Variants in ATP5F1A observed in about 807,000 individuals in gnomAD.
The protein encoded by ATP5F1A is ATP synthase F(1) complex subunit alpha, mitochondrial.
A neutral mutation model predicts 57.4 loss-of-function variants in ATP5F1A; 24 were observed. The observed-to-expected ratio is 0.42, with a 90% CI of 0.30 to 0.59. The LOEUF (loss-of-function observed/expected upper bound fraction) is 0.59. ATP5F1A is among the 20% of genes least tolerant of loss of function. ATP5F1A has a pLI of 0.19. For synonymous variants in ATP5F1A, 251 were observed against 255.5 expected, an observed-to-expected ratio of 0.98 and a Z score of 0.17; for missense variants, 494 against 707.9, an observed-to-expected ratio of 0.70 and a Z score of 3.43.
rs759211478 is a variant in ATP5F1A at position 46,083,100 on chromosome 18, A to C, written c.*1182T>G. 6 of 152,194 alleles carry C rather than the reference A, an allele frequency of 3.9e-5. No individual in the cohort carries two copies. Among genetic ancestry groups the C allele is most frequent in the Non-Finnish European group, 7.3e-5 (5 of 68,056 alleles). The allele number at this position is 152,194 out of a possible 1,614,324, so 9.4% of individuals were successfully genotyped here. On this transcript the variant is annotated 3_prime_UTR_variant, in exon 12 of 12. Transcript: ENST00000398752. The stretch of plus-strand genomic sequence containing the variant: ...AAATTTAATGCAGTAAGAATGAGCA[A>C]AGGCTATGAAAAGCTAGTAACAGAG...
chr18:46,091,864 A>C lies in ATP5F1A; in HGVS notation c.140-13T>G. 1 of 1,600,568 alleles carries C rather than the reference A, an allele frequency of 6.2e-7. No homozygotes were observed. The highest frequency in any genetic ancestry group is 1.1e-5 in the South Asian group (1 of 89,112). Reference sequence around the variant, plus strand: ...ATCTCAGCAGTCCCTATGGAAGACAATTCAATTCAATTAAAAAAATAATCT... The same window carrying C: ...ATCTCAGCAGTCCCTATGGAAGACACTTCAATTCAATTAAAAAAATAATCT... On this transcript the variant is annotated splice_polypyrimidine_tract_variant and intron_variant, in intron 2 of 11. Transcript: ENST00000398752.
intron 11 of ATP5F1A, 69 bp downstream of exon 11, chr18:46,084,435 T>A: frequency 6.3e-7 from 1 of 1,575,992 alleles, no homozygotes; most frequent in Non-Finnish European, 8.6e-7. Flanking sequence ...AACTACAGAT[T>A]TGAAAATAAT....
rs1909756046 is a variant in ATP5F1A, at chr18:46,081,683, A to AAAAAAAAAAAAAAAAAAC, written c.*2598_*2599insGTTTTTTTTTTTTTTTTT. ...CTCAAAAAAAAAAAACAAAAAAAAA[A>AAAAAAAAAAAAAAAAAAC]AAAAAAAAAAAAAACGAAATGTGCA... On this transcript the variant is annotated 3_prime_UTR_variant, in exon 12 of 12. Coordinates refer to ENST00000398752, the MANE Select transcript of ATP5F1A (RefSeq NM_004046.6). The AAAAAAAAAAAAAAAAAAC allele has an allele frequency of 1.5e-5, 1 of 66,960 alleles. No homozygotes were observed. The highest frequency in any genetic ancestry group is 5.0e-5 in the African/African-American group (1 of 20,180). 4.1% of individuals were successfully genotyped at this position (66,960 alleles called of 1,614,324 possible).
intron 10 of ATP5F1A, chr18:46,085,880 C>A: frequency 2.0e-6 from 1 of 491,954 alleles, no homozygotes; most frequent in South Asian, 2.9e-5. Flanking sequence ...TTGCAATGAG[C>A]CAAGGTTGCG....
Position 46,083,571 on chromosome 18 carries a change from C to G in ATP5F1A, c.*711G>C, listed in dbSNP as rs537121270. 13 of 152,316 alleles carry G rather than the reference C, an allele frequency of 8.5e-5. No individual in the cohort carries two copies. Among genetic ancestry groups the G allele is most frequent in the African/African-American group, 3.1e-4 (13 of 41,560 alleles). The allele number at this position is 152,316 out of a possible 1,614,324, so 9.4% of individuals were successfully genotyped here. On this transcript the variant is annotated 3_prime_UTR_variant, in exon 12 of 12. Transcript: ENST00000398752. ...CCTATTATTTTCCTGCCTACAGTAC[C>G]TCTTTATGCAGGTACATCCTCTGGG...
chr18:46,094,892 T>A (rs1039252776), intron 2 of ATP5F1A, 161 bp downstream of exon 2: 10 of 1,132,668 alleles, frequency 8.8e-6, no homozygotes, highest in Non-Finnish European at 1.0e-5. Flanking sequence ...AAGAGAACCA[T>A]GACAGGGCTA....
At chr18:46,092,391 T>C (rs1164413782) in intron 2 of ATP5F1A, among the ~76,000 whole-genome samples, 3 of 150,482 alleles carry the variant, frequency 2.0e-5, no homozygotes, top group Non-Finnish European at 4.4e-5. Flanking sequence ...GGCAGATCAC[T>C]TGAGGTAAGG....
chr18:46,098,302 G>A (rs1377249921), upstream of ATP5F1A: 8 of 1,527,260 alleles, frequency 5.2e-6, no homozygotes, highest in Non-Finnish European at 7.1e-6. Context: ...AAATGGCCGA[G>A]CCGCAAAGAA....
intron 1 of ATP5F1A, 157 bp downstream of exon 1, chr18:46,098,015 C>G (rs1442607987): frequency 1.4e-6 from 2 of 1,416,990 alleles, no homozygotes; most frequent in Non-Finnish European, 1.8e-6. Context: ...AAAAGGGCAC[C>G]TGTGTCGCCT....
chr18:46,084,395 T>C, intron 11 of ATP5F1A, 32 bp from the exon 12 acceptor site: 1 of 1,600,180 alleles, frequency 6.2e-7, no homozygotes, highest in Non-Finnish European at 8.5e-7. Context: ...TCGTAAGTTC[T>C]GACCTGGAAA....
At chr18:46,096,276 G>T (rs1004694410) in intron 1 of ATP5F1A, among the ~76,000 whole-genome samples, 1 of 151,728 alleles carries the variant, frequency 6.6e-6, no homozygotes, top group African/African-American at 2.4e-5. Context: ...CAAGGCGGGC[G>T]GATTACCTAA....
intron 1 of ATP5F1A, among the ~76,000 whole-genome samples, 193 bp from the exon 2 acceptor site, chr18:46,095,324 T>C (rs1910861865): frequency 6.6e-6 from 1 of 152,182 alleles, no homozygotes. Flanking sequence ...CAGCTCCTAG[T>C]ACACAGTAAA....
intron 5 of ATP5F1A, 173 bp from the exon 6 acceptor site, chr18:46,088,430 T>C: frequency 1.8e-6 from 1 of 565,650 alleles, no homozygotes; most frequent in Non-Finnish European, 3.0e-6. Context: ...GCTGTTAGTC[T>C]GTAACCATAG....
intron 2 of ATP5F1A, among the ~76,000 whole-genome samples, chr18:46,094,511 C>CA (rs1910803020): frequency 6.6e-6 from 1 of 151,850 alleles, no homozygotes; most frequent in Non-Finnish European, 1.5e-5. Flanking sequence ...TACTAAAATA[C>CA]AAAAAATTAG....
rs1369386642 is a variant in ATP5F1A at position 46,088,179 on chromosome 18, G to A, written c.729C>T (p.Tyr243=). 6.2e-7 allele frequency: 1 copy of A among 1,607,234 alleles called. No homozygotes were observed. The highest frequency in any genetic ancestry group is 8.5e-7 in the Non-Finnish European group (1 of 1,178,674). ...TTTGACCAATAGCAACATAAATACAGTACAGCTTCTTCTTTTCATCAGATC... is the reference window on the plus strand; with the variant it reads ...TTTGACCAATAGCAACATAAATACAATACAGCTTCTTCTTTTCATCAGATC... ...NDGSDEKKKL[Y]CIYVAIGQKR... Residue 243 remains tyrosine, a synonymous_variant, in exon 6 of 12, where the codon TAC becomes TAT. Transcript: ENST00000398752.
Position 46,089,381 on chromosome 18 carries a change from C to T in ATP5F1A, c.650+185G>A, listed in dbSNP as rs942461800. ...CTACCGACTGAGCTAGCTCGTCCCA[C>T]CTGATGAGAAATACCCACAGGTGTG... On this transcript the variant is annotated intron_variant, in intron 5 of 11. Transcript: ENST00000398752. The T allele has an allele frequency of 1.2e-5, 8 of 683,678 alleles. No homozygotes were observed. The Admixed American group carries it at 2.1e-4, about 18-fold the overall frequency. 42.4% of individuals were successfully genotyped at this position (683,678 alleles called of 1,614,324 possible). A position where few individuals can be genotyped will look rare whatever the true frequency, so the allele number is the denominator to read the frequency against.
At chr18:46,097,673 T>C (rs1399663959) in intron 1 of ATP5F1A, among the ~76,000 whole-genome samples, 2 of 151,714 alleles carry the variant, frequency 1.3e-5, no homozygotes, top group Middle Eastern at 3.4e-3. Flanking sequence ...CCACCTTCAT[T>C]TATTCCTTTC....
rs778556986 is a variant in ATP5F1A, at chr18:46,086,529, T to G, written c.1177-35A>C. The G allele has an allele frequency of 5.5e-5, 87 of 1,570,112 alleles. No homozygotes were observed. Among genetic ancestry groups the G allele is most frequent in the Non-Finnish European group, 7.6e-5 (87 of 1,150,274 alleles). ...AAGGAAATACGCACGCTAGCAAGCT[T>G]AAAGTAAGAAATCAACTATCTTCAA... is the stretch of plus-strand genomic sequence containing the variant. On this transcript the variant is annotated intron_variant, in intron 8 of 11. Coordinates refer to ENST00000398752, the MANE Select transcript of ATP5F1A (RefSeq NM_004046.6).
intron 10 of ATP5F1A, 78 bp from the exon 11 acceptor site, chr18:46,084,732 C>A: frequency 7.1e-7 from 1 of 1,405,918 alleles, no homozygotes; most frequent in Non-Finnish European, 9.4e-7. Flanking sequence ...GGAAAACTTA[C>A]TTTTTCTCCA....
Sources: gnomAD v4.1 joint callset for allele counts (sites outside exome capture counted in the v4.1 genomes callset) on GRCh38, gnomAD v4.1.1 for gene constraint, MANE v1.5 for transcripts, NCBI Gene and HGNC (gene_info 2026-07-23, HGNC 2026-07-21) for gene names.